PGPEP1: variants seen among roughly 807,000 people sequenced by gnomAD.
PGPEP1 encodes the protein pyroglutamyl-peptidase 1.
A neutral mutation model predicts 24.1 loss-of-function variants in PGPEP1; 15 were observed. The observed-to-expected ratio is 0.62, with a 90% CI of 0.42 to 0.96. PGPEP1 has a LOEUF of 0.96. Among genes scored for constraint, PGPEP1 ranks in the 40% least tolerant of loss-of-function variants. The pLI, the probability that PGPEP1 is intolerant of heterozygous loss-of-function variation, is 0.00. For missense variants in PGPEP1, 242 were observed against 273.4 expected (o/e 0.89, Z 0.81); for synonymous variants, 122 against 116.4 (o/e 1.05, Z -0.31).
intron 2 of PGPEP1, among the ~76,000 whole-genome samples, chr19:18,345,453 A>C (rs868028461): frequency 6.6e-6 from 1 of 151,408 alleles, no homozygotes; most frequent in Non-Finnish European, 1.5e-5. Context: ...CATTAGTGAA[A>C]TTTTAGGCCT....
chr19:18,349,072 G>A, intron 2 of PGPEP1: 1 of 982,912 alleles, frequency 1.0e-6, no homozygotes, highest in African/African-American at 1.8e-5. Flanking sequence ...CCATCAGGTG[G>A]GTCTTGGCAA....
intron 4 of PGPEP1, 100 bp downstream of exon 4, chr19:18,357,715 C>A: frequency 1.2e-6 from 1 of 820,074 alleles, no homozygotes; most frequent in Non-Finnish European, 2.0e-6. Flanking sequence ...CCTCTTTGGA[C>A]CAAGCACTCA....
chr19:18,355,377 C>T (rs774802737), intron 2 of PGPEP1, among the ~76,000 whole-genome samples: 1 of 152,124 alleles, frequency 6.6e-6, no homozygotes, highest in African/African-American at 2.4e-5. Flanking sequence ...TCTCCTGCCT[C>T]AGCCTCCTAA....
At position 18,345,597 on chromosome 19, in the gene PGPEP1, T is replaced by A. The variant is rs570637586; in HGVS notation, c.87+2686T>A. Among the ~76,000 whole-genome samples the A allele has an allele frequency of 4.7e-5, 7 of 149,930 alleles. No homozygotes were observed. The East Asian group carries it at 1.4e-3, about 29-fold the overall frequency. ...ACAAACAGCCGGGAGTGGTGGCGCA[T>A]GCCTGTAGTCCCAGCTACTCGGGAG... On this transcript the variant is annotated intron_variant, in intron 2 of 4. Coordinates refer to ENST00000269919, the MANE Select transcript of PGPEP1 (RefSeq NM_017712.4).
At chr19:18,348,763 T>G (rs1018178009) in intron 2 of PGPEP1, among the ~76,000 whole-genome samples, 8 of 152,106 alleles carry the variant, frequency 5.3e-5, no homozygotes, top group African/African-American at 1.9e-4. Context: ...TGAGAAACTT[T>G]TTTTTTGTTT....
chr19:18,341,452 G>GT (rs1970669699), intron 1 of PGPEP1, among the ~76,000 whole-genome samples: 1 of 152,198 alleles, frequency 6.6e-6, no homozygotes, highest in African/African-American at 2.4e-5. Flanking sequence ...GAGTCAAGGA[G>GT]TGGGGGGGTC....
intron 2 of PGPEP1, among the ~76,000 whole-genome samples, chr19:18,349,937 A>G (rs1388666622): frequency 1.3e-5 from 2 of 152,126 alleles, no homozygotes; most frequent in East Asian, 3.8e-4. Context: ...TGTGTTGCCC[A>G]GGCTGACCTC....
chr19:18,341,460 G>T (rs1294349850), intron 1 of PGPEP1, among the ~76,000 whole-genome samples: 1 of 152,172 alleles, frequency 6.6e-6, no homozygotes, highest in Admixed American at 6.5e-5. Flanking sequence ...GAGTGGGGGG[G>T]TCATTTTGAC....
At chr19:18,342,806 C>T (rs1046595484) in intron 1 of PGPEP1, 53 bp from the exon 2 acceptor site, 39 of 1,404,984 alleles carry the variant, frequency 2.8e-5, no homozygotes, top group Middle Eastern at 1.8e-4. Context: ...AGGCCAGGGG[C>T]AGACTGGGAA....
chr19:18,360,802 G>T (rs1172915787), intron 4 of PGPEP1, among the ~76,000 whole-genome samples: 1 of 151,908 alleles, frequency 6.6e-6, no homozygotes, highest in Admixed American at 6.6e-5. Flanking sequence ...TGGGATTACA[G>T]GCATGAGCCA....
intron 4 of PGPEP1, among the ~76,000 whole-genome samples, chr19:18,362,200 C>T (rs928235007): frequency 4.0e-5 from 6 of 149,046 alleles, no homozygotes; most frequent in Non-Finnish European, 6.0e-5. Context: ...CGAGGTCAGG[C>T]GTTCCAGACC....
intron 2 of PGPEP1, among the ~76,000 whole-genome samples, chr19:18,344,517 C>A (rs1413930151): frequency 6.6e-6 from 1 of 151,478 alleles, no homozygotes; most frequent in Admixed American, 6.6e-5. Flanking sequence ...GCGTGGCAGT[C>A]CCCAGCTGTA....
At chr19:18,342,958 C>G in intron 2 of PGPEP1, 47 bp downstream of exon 2, 1 of 1,460,514 alleles carries the variant, frequency 6.8e-7, no homozygotes, top group Non-Finnish European at 9.6e-7. Context: ...GCTGGGCACA[C>G]CCCAGAAAGT....
intron 2 of PGPEP1, among the ~76,000 whole-genome samples, chr19:18,353,737 C>T (rs983350475): frequency 2.6e-5 from 4 of 152,126 alleles, no homozygotes; most frequent in African/African-American, 4.8e-5. Flanking sequence ...TGGAATCATA[C>T]AATATGTGGC....
At position 18,356,821 on chromosome 19, in the gene PGPEP1, C is replaced by T. The variant is rs548905862; in HGVS notation, c.205-562C>T. Among the ~76,000 whole-genome samples, 77 of 151,934 alleles carry T rather than the reference C, an allele frequency of 5.1e-4. No homozygotes were observed. The South Asian group carries it at 8.1e-3, about 16-fold the overall frequency. On this transcript the variant is annotated intron_variant, in intron 3 of 4. Coordinates refer to ENST00000269919, the MANE Select transcript of PGPEP1 (RefSeq NM_017712.4). ...TGGGATGCTGAGGCGGGTGGATCAC[C>T]GGAGGTCAGGAGTTTGATCCCAGCC... is the stretch of plus-strand genomic sequence containing the variant.
In PGPEP1 at chr19:18,363,776, A is replaced by T. The variant is rs1971425921; in HGVS notation, c.*193A>T. 3 of 490,298 alleles carry T rather than the reference A, an allele frequency of 6.1e-6. No individual in the cohort carries two copies. Among genetic ancestry groups the T allele is most frequent in the East Asian group, 3.2e-5 (1 of 31,372 alleles). The allele number at this position is 490,298 out of a possible 1,614,324, so 30.4% of individuals were successfully genotyped here. A position where few individuals can be genotyped will look rare whatever the true frequency, so the allele number is the denominator to read the frequency against. On this transcript the variant is annotated 3_prime_UTR_variant, in exon 5 of 5. Coordinates refer to ENST00000269919, the MANE Select transcript of PGPEP1 (RefSeq NM_017712.4). ...GGTTGATTCGAGGGAAGTGGTGAAA[A>T]TTTTTTTTTCTCCCATTTTCCTCCC...
At chr19:18,354,444 G>A (rs1234742479) in intron 2 of PGPEP1, among the ~76,000 whole-genome samples, 3 of 152,104 alleles carry the variant, frequency 2.0e-5, no homozygotes, top group East Asian at 1.9e-4. Context: ...GCAGTGAGCC[G>A]AGGTGGCGCC....
In PGPEP1 at chr19:18,363,834, A is replaced by G. The variant is rs375712576; in HGVS notation, c.*251A>G. 16 of 370,596 alleles carry G rather than the reference A, an allele frequency of 4.3e-5. No homozygotes were observed. The highest frequency in any genetic ancestry group is 3.1e-4 in the East Asian group (7 of 22,232). 23.0% of individuals were successfully genotyped at this position (370,596 alleles called of 1,614,324 possible). On this transcript the variant is annotated 3_prime_UTR_variant, in exon 5 of 5. Transcript: ENST00000269919. Reference sequence around the variant, plus strand: ...GGGGACACAGCTGCCGTGACCAGGGAGGCCAGCCTGGGAGGTCCAGATGCC... The same window carrying G: ...GGGGACACAGCTGCCGTGACCAGGGGGGCCAGCCTGGGAGGTCCAGATGCC...
At position 18,368,393 on chromosome 19, in the gene PGPEP1, C is replaced by G. The variant is rs1189911866; in HGVS notation, c.*4810C>G. On this transcript the variant is annotated 3_prime_UTR_variant, in exon 5 of 5. Coordinates refer to ENST00000269919, the MANE Select transcript of PGPEP1 (RefSeq NM_017712.4). The stretch of plus-strand genomic sequence containing the variant: ...GGCAGAGGTTGCAGTGGTGTGAGAT[C>G]ACGCCACTGCATTCCAGACTGGGCA... The G allele has an allele frequency of 2.0e-5, 3 of 148,488 alleles. No individual in the cohort carries two copies. The highest frequency in any genetic ancestry group is 3.0e-5 in the Non-Finnish European group (2 of 67,648). The allele number at this position is 148,488 out of a possible 1,614,324, so 9.2% of individuals were successfully genotyped here.
Sources: allele counts gnomAD v4.1 joint callset (sites outside exome capture counted in the v4.1 genomes callset), GRCh38; gene constraint gnomAD v4.1.1; transcripts MANE v1.5; gene names NCBI Gene and HGNC (gene_info 2026-07-23, HGNC 2026-07-21).